Variants in RAVER2 observed in about 807,000 individuals in gnomAD.
RAVER2 encodes the protein ribonucleoprotein, PTB binding 2, also known as ribonucleoprotein PTB-binding 2.
RAVER2 carries 46 observed loss-of-function variants against 78.1 expected under a neutral mutation model. The ratio of observed to expected loss-of-function variants is 0.59; its 90% CI spans 0.46 to 0.75. RAVER2 has a LOEUF of 0.75. Ranked by LOEUF, RAVER2 falls within the 30% of genes least tolerant of loss-of-function variation. The probability of loss-of-function intolerance (pLI) is 0.00; values close to 1 mark genes in which losing one functional copy is unlikely to be tolerated. For synonymous variants in RAVER2, 311 were observed against 313.3 expected (o/e 0.99, Z 0.08); for missense variants, 793 against 837.5 (o/e 0.95, Z 0.66).
intron 2 of RAVER2, among the ~76,000 whole-genome samples, chr1:64,775,988 C>T (rs1652449863): frequency 7.1e-6 from 1 of 141,498 alleles, no homozygotes; most frequent in African/African-American, 2.7e-5. Context: ...CACTGCACTC[C>T]AGCCTGGGCA....
chr1:64,808,259 A>G (rs182455806), intron 9 of RAVER2, among the ~76,000 whole-genome samples: 102 of 152,194 alleles, frequency 6.7e-4, no homozygotes, highest in African/African-American at 2.3e-3. Flanking sequence ...TTTGTACCCT[A>G]AAATACACTG....
At chr1:64,793,344 T>C (rs1652997615) in intron 5 of RAVER2, among the ~76,000 whole-genome samples, 1 of 152,242 alleles carries the variant, frequency 6.6e-6, no homozygotes, top group African/African-American at 2.4e-5. Flanking sequence ...CTCCAACTGC[T>C]ATTAGATTAA....
intron 6 of RAVER2, among the ~76,000 whole-genome samples, chr1:64,804,258 T>C (rs1653349353): frequency 6.6e-6 from 1 of 152,230 alleles, no homozygotes; most frequent in Admixed American, 6.5e-5. Context: ...CTATTTGTTC[T>C]TATAGCCCCC....
At chr1:64,821,977 T>G (rs1653899819) in intron 11 of RAVER2, among the ~76,000 whole-genome samples, 1 of 152,198 alleles carries the variant, frequency 6.6e-6, no homozygotes, top group African/African-American at 2.4e-5. Context: ...AAGGGAGCCA[T>G]GTCTCAGGAA....
At chr1:64,783,148 G>C (rs1652680608) in intron 4 of RAVER2, among the ~76,000 whole-genome samples, 1 of 152,058 alleles carries the variant, frequency 6.6e-6, no homozygotes, top group South Asian at 2.1e-4. Flanking sequence ...CATTTGGGTT[G>C]GTTCCAAGTC....
At chr1:64,775,479 GGAATAC>G (rs1652434861) in intron 2 of RAVER2, among the ~76,000 whole-genome samples, 1 of 152,158 alleles carries the variant, frequency 6.6e-6, no homozygotes, top group African/African-American at 2.4e-5. Context: ...CACATGATAC[GGAATAC>G]ATGGGAATGG....
chr1:64,752,796 A>G (rs1651736824), intron 1 of RAVER2, among the ~76,000 whole-genome samples: 1 of 152,120 alleles, frequency 6.6e-6, no homozygotes, highest in Non-Finnish European at 1.5e-5. Flanking sequence ...TTAGCAGACA[A>G]ACTTAGGACT....
chr1:64,776,660 A>C (rs1652473051), intron 2 of RAVER2, among the ~76,000 whole-genome samples: 1 of 152,188 alleles, frequency 6.6e-6, no homozygotes, highest in South Asian at 2.1e-4. Flanking sequence ...AGGGAGAGGA[A>C]CTTGTAGAGA....
chr1:64,803,030 C>T (rs1653311248), exon 6 of RAVER2: 1 of 1,607,630 alleles, frequency 6.2e-7, no homozygotes. Context: ...TCCATCTCTC[C>T]TGCATTTTTA....
intron 5 of RAVER2, among the ~76,000 whole-genome samples, chr1:64,800,177 G>C: frequency 6.7e-6 from 1 of 148,962 alleles, no homozygotes; most frequent in East Asian, 2.0e-4. Context: ...TGTATATTCT[G>C]GATATTAATC....
chr1:64,749,117 G>C (rs1452335205), intron 1 of RAVER2, among the ~76,000 whole-genome samples: 1 of 152,078 alleles, frequency 6.6e-6, no homozygotes, highest in Non-Finnish European at 1.5e-5. Context: ...TGGGACCACA[G>C]TGTGAGCCAC....
At chr1:64,807,057 TAAC>T (rs1157455371) in intron 8 of RAVER2, 146 bp from the exon 9 acceptor site, 1 of 848,446 alleles carries the variant, frequency 1.2e-6, no homozygotes. Context: ...ACCCACTAAT[TAAC>T]AACCTCTAAC....
At chr1:64,784,375 T>A (rs1652721073) in intron 4 of RAVER2, among the ~76,000 whole-genome samples, 1 of 152,132 alleles carries the variant, frequency 6.6e-6, no homozygotes. Flanking sequence ...AGACCTTGTC[T>A]CAAAAACAAA....
intron 2 of RAVER2, 107 bp downstream of exon 2, chr1:64,768,829 T>C: frequency 1.4e-6 from 1 of 714,240 alleles, no homozygotes; most frequent in Non-Finnish European, 2.4e-6. Context: ...CATGGAATTT[T>C]TAAGCCTTAA....
intron 1 of RAVER2, among the ~76,000 whole-genome samples, chr1:64,762,425 G>T (rs1366800363): frequency 6.8e-6 from 1 of 148,082 alleles, no homozygotes; most frequent in Non-Finnish European, 1.5e-5. Context: ...TCTAAAATTT[G>T]TACAGAAATG....
intron 2 of RAVER2, among the ~76,000 whole-genome samples, chr1:64,774,246 T>C (rs1016319386): frequency 1.3e-5 from 2 of 152,156 alleles, no homozygotes; most frequent in South Asian, 4.1e-4. Flanking sequence ...TCATGAAGTC[T>C]TTGCCCATGC....
rs1653472042 is a variant in RAVER2 at position 64,807,422 on chromosome 1, G to A, written c.1628G>A (p.Gly543Glu). 4 of 1,614,094 alleles carry A rather than the reference G, an allele frequency of 2.5e-6. No homozygotes were observed. In the Admixed American group the frequency reaches 6.7e-5, roughly 27 times the overall value. Residue 543 changes from glycine to glutamate, a missense_variant, in exon 9 of 12, where the codon GGA becomes GAA. Physicochemically the swap from Gly to Glu is moderately conservative, Grantham distance 98. Coordinates refer to ENST00000294428, the Ensembl canonical transcript of RAVER2. ...CTTGCTGCTGGAAGCTTGCTGGTGGGACACCATAAGCAGCAGCAAAGCCAG... is the reference window on the plus strand; with the variant it reads ...CTTGCTGCTGGAAGCTTGCTGGTGGAACACCATAAGCAGCAGCAAAGCCAG...
At chr1:64,812,044 C>T (rs1187910446) in intron 9 of RAVER2, among the ~76,000 whole-genome samples, 1 of 151,948 alleles carries the variant, frequency 6.6e-6, no homozygotes, top group Non-Finnish European at 1.5e-5. Context: ...ATAAAAATCT[C>T]AGTAAAAATA....
intron 1 of RAVER2, among the ~76,000 whole-genome samples, chr1:64,746,452 G>T (rs1346966913): frequency 6.6e-6 from 1 of 152,204 alleles, no homozygotes; most frequent in Non-Finnish European, 1.5e-5. Flanking sequence ...GGTAGTTGCG[G>T]ATTTGTAGTT....
Sources: allele counts gnomAD v4.1 joint callset (sites outside exome capture counted in the v4.1 genomes callset), GRCh38; gene constraint gnomAD v4.1.1; transcripts MANE v1.5; gene names NCBI Gene and HGNC (gene_info 2026-07-23, HGNC 2026-07-21).